Variants in SUPT6H observed in about 807,000 individuals in gnomAD.
The protein encoded by SUPT6H is SPT6 homolog, histone chaperone and transcription elongation factor, also known as transcription elongation factor SPT6.
SUPT6H carries 11 observed loss-of-function variants against 222.3 expected under a neutral mutation model. That is an observed-to-expected ratio of 0.05 (90% CI 0.03 to 0.08). The LOEUF (loss-of-function observed/expected upper bound fraction) is 0.08. Among genes scored for constraint, SUPT6H ranks in the 10% least tolerant of loss-of-function variants. The pLI is 1.00. For missense variants in SUPT6H, 1,422 were observed against 2,216.0 expected, an observed-to-expected ratio of 0.64 and a Z score of 7.19; for synonymous variants, 762 against 801.2, an observed-to-expected ratio of 0.95 and a Z score of 0.83.
rs1216702863 is a variant in SUPT6H at position 28,667,992 on chromosome 17, T to C, written c.-31-5379T>C. 2.0e-5 allele frequency among the ~76,000 whole-genome samples: 3 copies of C among 152,086 alleles called. No homozygotes were observed. The East Asian group carries it at 5.8e-4, about 29-fold the overall frequency. ...TAGATCTCTTTTCACTCTGGTCTCC[T>C]CTTAATTGCCTACTACAACTTCTTG... On this transcript the variant is annotated intron_variant, in intron 1 of 36. Transcript: ENST00000314616.
intron 26 of SUPT6H, 115 bp downstream of exon 26, chr17:28,690,344 C>G: frequency 7.7e-7 from 1 of 1,295,558 alleles, no homozygotes; most frequent in Non-Finnish European, 1.1e-6. Context: ...ATGGGGAAGG[C>G]CAGGAGAGCA....
rs774055732 is a variant in SUPT6H at position 28,676,293 on chromosome 17, C to T, written c.760C>T (p.Arg254Cys). Residue 254 changes from arginine (R) to cysteine (C), a missense_variant, in exon 7 of 37, where the codon CGC becomes TGC. This residue lies in a region of SUPT6H where 389 missense variants were observed against 544.6 expected (regional missense o/e 0.71). Transcript: ENST00000314616. ...DDEAEGEIRV[R>C]PKKTTKKRVS... is the part of the protein sequence containing the mutation. ...TGAGGCTGAGGGTGAAATCCGAGTG[C>T]GCCCCAAGAAGACCACCAAGAAGCG... The T allele has an allele frequency of 1.5e-5, 24 of 1,613,240 alleles. No individual in the cohort carries two copies. Among genetic ancestry groups the T allele is most frequent in the Middle Eastern group, 1.6e-4 (1 of 6,082 alleles).
intron 19 of SUPT6H, among the ~76,000 whole-genome samples, chr17:28,685,825 A>G (rs1198652467): frequency 2.0e-5 from 3 of 152,206 alleles, no homozygotes; most frequent in Non-Finnish European, 2.9e-5. Flanking sequence ...TAATAGTCCT[A>G]ACTACTCACA....
chr17:28,667,405 G>GTATGTA (rs1555546901), intron 1 of SUPT6H, among the ~76,000 whole-genome samples: 1 of 49,302 alleles, frequency 2.0e-5, no homozygotes, highest in African/African-American at 8.0e-5. Context: ...GTGTGTGTGT[G>GTATGTA]TATATATATA....
intron 32 of SUPT6H, among the ~76,000 whole-genome samples, chr17:28,698,630 A>G (rs911969029): frequency 3.3e-5 from 5 of 152,256 alleles, no homozygotes; most frequent in African/African-American, 9.6e-5. Context: ...TCTGTGATAC[A>G]GACTGGTAAT....
Position 28,701,509 on chromosome 17 carries a change from C to T in SUPT6H, c.5065C>T (p.Arg1689Trp), listed in dbSNP as rs2032133632. The part of the protein sequence containing the change: ...EQWLQEKEAE[R>W]RKQKQRLTPR... ...GTGGCTGCAGGAAAAGGAGGCAGAA[C>T]GGCGGAAACAGAAGCAGCGGCTGAC... Residue 1689 changes from arginine to tryptophan, a missense_variant, in exon 37 of 37, where the codon CGG becomes TGG. Arg to Trp is a moderately radical substitution (Grantham distance 101, BLOSUM62 -3). Coordinates refer to ENST00000314616, the MANE Select transcript of SUPT6H (RefSeq NM_003170.5). 1 of 1,614,154 alleles carries T rather than the reference C, an allele frequency of 6.2e-7. No homozygotes were observed. Among genetic ancestry groups the T allele is most frequent in the Non-Finnish European group, 8.5e-7 (1 of 1,180,034 alleles).
chr17:28,686,939 A>C (rs967214728), intron 21 of SUPT6H, 149 bp from the exon 22 acceptor site: 7 of 1,478,502 alleles, frequency 4.7e-6, no homozygotes, highest in Non-Finnish European at 5.5e-6. Flanking sequence ...GTTACGGTTC[A>C]GATTGGGAGT....
At position 28,693,987 on chromosome 17, in the gene SUPT6H, A is replaced by C. The variant is rs1597717283; in HGVS notation, c.3774+151A>C. 1.5e-5 allele frequency: 16 copies of C among 1,060,164 alleles called. No homozygotes were observed. In the East Asian group the frequency reaches 3.9e-4, roughly 26 times the overall value. 65.7% of individuals were successfully genotyped at this position (1,060,164 alleles called of 1,614,324 possible). A position where few individuals can be genotyped will look rare whatever the true frequency, so the allele number is the denominator to read the frequency against. On this transcript the variant is annotated intron_variant, in intron 28 of 36. Transcript: ENST00000314616. ...TCAGGGAAGATTTATAACTAGTTGA[A>C]AGAAGCTAGGGTGAGAAGCATTTGA...
intron 32 of SUPT6H, among the ~76,000 whole-genome samples, chr17:28,699,039 C>T (rs904428467): frequency 2.0e-5 from 3 of 152,176 alleles, no homozygotes; most frequent in East Asian, 1.9e-4. Context: ...TTAACACTTA[C>T]GGAAGAGTTA....
At chr17:28,678,739 C>G (rs2030908994) in intron 10 of SUPT6H, 82 bp from the exon 11 acceptor site, 2 of 1,611,546 alleles carry the variant, frequency 1.2e-6, no homozygotes, top group East Asian at 4.5e-5. Flanking sequence ...TCCTCCCCCA[C>G]TAGGTTTCTG....
chr17:28,689,943 TA>T, intron 25 of SUPT6H, 138 bp from the exon 26 acceptor site: 1 of 1,166,538 alleles, frequency 8.6e-7, no homozygotes, highest in Non-Finnish European at 1.2e-6. Context: ...CCACCTTTAG[TA>T]AATGTTGATG....
At chr17:28,694,329 CT>C (rs1212408941) in intron 28 of SUPT6H, among the ~76,000 whole-genome samples, 3 of 152,198 alleles carry the variant, frequency 2.0e-5, no homozygotes, top group Non-Finnish European at 4.4e-5. Flanking sequence ...CATTTCTGTT[CT>C]GTTATTTTCT....
chr17:28,677,844 A>T, intron 8 of SUPT6H, 28 bp downstream of exon 8: 1 of 1,597,174 alleles, frequency 6.3e-7, no homozygotes. Context: ...TTAGGTTTTG[A>T]CATGAACCAA....
chr17:28,683,887 G>A (rs995433508), intron 17 of SUPT6H, 71 bp downstream of exon 17: 468 of 1,399,344 alleles, frequency 3.3e-4, no homozygotes, highest in Non-Finnish European at 4.0e-4. Context: ...CCAGGCTGGA[G>A]TGCAGTGGCG....
At position 28,674,440 on chromosome 17, in the gene SUPT6H, C is replaced by T. The variant is rs2030614048; in HGVS notation, c.267C>T (p.Arg89=). The change falls in exon 3 of 37, where the codon CGC becomes CGT. Residue 89 remains arginine (R), a splice_region_variant and synonymous_variant. Transcript: ENST00000314616. ...ATGTTGGCCACAAGAAGAGAAAACGCAGTGAGTAGTCTGTCGTTGGCTCAA... is the reference window on the plus strand; with the variant it reads ...ATGTTGGCCACAAGAAGAGAAAACGTAGTGAGTAGTCTGTCGTTGGCTCAA... ...EDDVGHKKRK[R]TSFDDRLEDD... 6.2e-7 allele frequency: 1 copy of T among 1,614,012 alleles called. No individual in the cohort carries two copies. Among genetic ancestry groups the T allele is most frequent in the Non-Finnish European group, 8.5e-7 (1 of 1,179,934 alleles).
rs1410060069 is a variant in SUPT6H, at chr17:28,674,451, CTG to C, written c.268+12_268+13del. The C allele has an allele frequency of 8.1e-6, 13 of 1,613,984 alleles. No individual in the cohort carries two copies. The highest frequency in any genetic ancestry group is 1.0e-5 in the Non-Finnish European group (12 of 1,179,980). On this transcript the variant is annotated intron_variant, in intron 3 of 36. Transcript: ENST00000314616. ...AAGAAGAGAAAACGCAGTGAGTAGT[CTG>C]TCGTTGGCTCAAGTGAGGCTTGGGT...
rs2032089061 is a variant in SUPT6H, at chr17:28,700,506, T to C, written c.4800T>C (p.Ala1600=). The C allele has an allele frequency of 6.2e-7, 1 of 1,613,576 alleles. No individual in the cohort carries two copies. The highest frequency in any genetic ancestry group is 1.3e-5 in the African/African-American group (1 of 74,936). ...GCGGCAGTGGAGGCGGCAGCAGTGC[T>C]TACCACGTATGTGGCTTGGGGAGGA... ...GYGGSGGGSS[A]YHVFPTPAQQ... Residue 1600 remains alanine (A), a synonymous_variant, in exon 35 of 37, where the codon GCT becomes GCC. Coordinates refer to ENST00000314616, the MANE Select transcript of SUPT6H (RefSeq NM_003170.5).
At chr17:28,662,730 T>A (rs2072080224) in intron 1 of SUPT6H, among the ~76,000 whole-genome samples, 1 of 152,220 alleles carries the variant, frequency 6.6e-6, no homozygotes, top group African/African-American at 2.4e-5. Flanking sequence ...TGTGGAGCTT[T>A]CAGCAGCTCG....
chr17:28,666,789 TGAA>T (rs2030050145), intron 1 of SUPT6H, among the ~76,000 whole-genome samples: 1 of 152,154 alleles, frequency 6.6e-6, no homozygotes, highest in Admixed American at 6.5e-5. Context: ...TGACCTGACC[TGAA>T]GTGATCAGCC....
Sources: gnomAD v4.1 joint callset for allele counts (sites outside exome capture counted in the v4.1 genomes callset) on GRCh38, gnomAD v4.1.1 for gene constraint, gnomAD v4.1.1 regional missense constraint, MANE v1.5 for transcripts, NCBI Gene and HGNC (gene_info 2026-07-23, HGNC 2026-07-21) for gene names.